PTPRT: variants seen among roughly 807,000 people sequenced by gnomAD.
The protein encoded by PTPRT is receptor-type tyrosine-protein phosphatase T.
PTPRT carries 56 observed loss-of-function variants against 176.8 expected under a neutral mutation model. The observed-to-expected ratio is 0.32, with a 90% CI of 0.26 to 0.40. PTPRT has a LOEUF of 0.40. PTPRT is among the 10% of genes least tolerant of loss of function. The pLI is 1.00. For missense variants in PTPRT, 1,540 were observed against 1,908.2 expected (o/e 0.81, Z 3.60); for synonymous variants, 783 against 739.0 (o/e 1.06, Z -0.96).
intron 6 of PTPRT, among the ~76,000 whole-genome samples, chr20:42,724,681 C>A (rs1485052521): frequency 6.6e-6 from 1 of 152,088 alleles, no homozygotes; most frequent in Non-Finnish European, 1.5e-5. Context: ...GCTTGTAATC[C>A]CAACACTTTG....
chr20:42,449,464 A>T (rs1483794330), intron 8 of PTPRT, among the ~76,000 whole-genome samples: 1 of 152,198 alleles, frequency 6.6e-6, no homozygotes, highest in Non-Finnish European at 1.5e-5. Flanking sequence ...AATTTCAGTA[A>T]ATTGTTGCCA....
chr20:42,958,338 GGGA>G (rs1568701224), intron 1 of PTPRT, among the ~76,000 whole-genome samples: 26 of 6,668 alleles, frequency 3.9e-3, no homozygotes, highest in South Asian at 0.012. Flanking sequence ...GAGGAGGGAG[GGGA>G]GAGGAGGGGC....
intron 7 of PTPRT, among the ~76,000 whole-genome samples, chr20:42,547,150 TTTGAATTTTGAGCCTCAGAAC>T (rs2072690561): frequency 6.6e-6 from 1 of 152,176 alleles, no homozygotes; most frequent in Admixed American, 6.5e-5. Flanking sequence ...TTTTGTGTGT[TTTGAATTTTGAGCCTCAGAAC>T]TCTAACACTT....
At chr20:42,225,673 C>CA (rs2055990744) in intron 15 of PTPRT, among the ~76,000 whole-genome samples, 1 of 152,012 alleles carries the variant, frequency 6.6e-6, no homozygotes, top group Non-Finnish European at 1.5e-5. Context: ...TTATTTTAGA[C>CA]AAAATCTCAC....
chr20:43,104,486 A>G (rs1345730448), intron 1 of PTPRT, among the ~76,000 whole-genome samples: 1 of 152,204 alleles, frequency 6.6e-6, no homozygotes, highest in Non-Finnish European at 1.5e-5. Flanking sequence ...ACCCCAGGCA[A>G]GCTATTTAAC....
chr20:43,189,614 G>A lies in PTPRT; in HGVS notation c.88+32C>T. The A allele has an allele frequency of 8.2e-7, 1 of 1,219,798 alleles. No individual in the cohort carries two copies. The highest frequency in any genetic ancestry group is 1.0e-6 in the Non-Finnish European group (1 of 975,412). The allele number at this position is 1,219,798 out of a possible 1,614,324, so 75.6% of individuals were successfully genotyped here. On this transcript the variant is annotated intron_variant, in intron 1 of 30. Coordinates refer to ENST00000373187, the MANE Select transcript of PTPRT (RefSeq NM_007050.6). This position sits in a 1 kb window ranked among gnomAD's most constrained non-coding sequence, Gnocchi z 5.0. ...CCCGCGCGCATCCAGGAGGGAGCGG[G>A]GAGCCCAGGGGAGCCGGGCGGGCGC...
intron 1 of PTPRT, among the ~76,000 whole-genome samples, chr20:42,987,927 C>T (rs897855223): frequency 1.3e-5 from 2 of 152,170 alleles, no homozygotes; most frequent in Admixed American, 6.5e-5. Flanking sequence ...GTCACGTGGG[C>T]CTCTTCACAG....
chr20:42,477,397 T>C (rs1429793275), intron 7 of PTPRT, among the ~76,000 whole-genome samples: 1 of 149,744 alleles, frequency 6.7e-6, no homozygotes, highest in Non-Finnish European at 1.5e-5. Context: ...ATATATATTT[T>C]TTTTGCATTC....
intron 9 of PTPRT, among the ~76,000 whole-genome samples, chr20:42,392,178 G>C (rs16986833): frequency 0.069 from 10,425 of 152,152 alleles, 446 homozygotes; most frequent in African/African-American, 0.12. Flanking sequence ...AGGAAAAAAT[G>C]TTACTTAAAC....
chr20:42,087,350 C>T (rs779146079), intron 27 of PTPRT, among the ~76,000 whole-genome samples: 1 of 152,072 alleles, frequency 6.6e-6, no homozygotes, highest in Non-Finnish European at 1.5e-5. Flanking sequence ...CCTGCCTCAG[C>T]CTCCCAAGTA....
At chr20:43,103,397 A>C (rs2012470829) in intron 1 of PTPRT, among the ~76,000 whole-genome samples, 1 of 152,160 alleles carries the variant, frequency 6.6e-6, no homozygotes. Flanking sequence ...GGCTGAGACA[A>C]ATCTCTTTCC....
chr20:42,389,852 C>CAAA (rs769093573), intron 9 of PTPRT, among the ~76,000 whole-genome samples: 2 of 127,188 alleles, frequency 1.6e-5, no homozygotes, highest in African/African-American at 5.7e-5. Context: ...AAAACCCTGT[C>CAAA]AAAAAAAAAA....
intron 9 of PTPRT, among the ~76,000 whole-genome samples, chr20:42,423,178 T>TAAAAA (rs34775268): frequency 5.9e-4 from 52 of 88,116 alleles, no homozygotes; most frequent in East Asian, 7.9e-4. Context: ...ACCTTAAAAG[T>TAAAAA]AAAAAAAAAA....
intron 9 of PTPRT, among the ~76,000 whole-genome samples, chr20:42,383,708 G>A (rs916328): frequency 0.34 from 52,339 of 152,056 alleles, 9,259 homozygotes; most frequent in East Asian, 0.62. Context: ...ACTATATCAT[G>A]TGTAGGGCCA....
rs184610523 is a variant in PTPRT at position 42,609,578 on chromosome 20, G to A, written c.1153+68288C>T. ...ACTCCAAATCCAACACTGACTCTTT[G>A]CTCCCAGGTCTGGCTGCTATAGCAG... On this transcript the variant is annotated intron_variant, in intron 7 of 30. Transcript: ENST00000373187. Among the ~76,000 whole-genome samples the A allele has an allele frequency of 4.1e-4, 62 of 152,300 alleles. No individual in the cohort carries two copies. The East Asian group carries it at 0.012, about 28-fold the overall frequency.
At position 42,467,105 on chromosome 20, in the gene PTPRT, A is replaced by G. The variant is rs188175579; in HGVS notation, c.1450+5161T>C. Among the ~76,000 whole-genome samples the G allele has an allele frequency of 5.3e-5, 8 of 152,334 alleles. No homozygotes were observed. The East Asian group carries it at 1.5e-3, about 29-fold the overall frequency. The stretch of plus-strand genomic sequence containing the variant: ...ATGAAGAGAGAAACAACTCTTCTCT[A>G]AAGAAGAAGGCTAACTAGTAAGCGT... On this transcript the variant is annotated intron_variant, in intron 8 of 30. Transcript: ENST00000373187.
chr20:42,631,872 G>A (rs6030385), intron 7 of PTPRT, among the ~76,000 whole-genome samples: 23,502 of 152,054 alleles, frequency 0.15, 1,910 homozygotes, highest in South Asian at 0.19. Flanking sequence ...GACCATCCTG[G>A]GAGATAACCT....
In PTPRT at chr20:42,161,275, C is replaced by T. The variant is rs544239881; in HGVS notation, c.2682+77G>A. The T allele has an allele frequency of 1.7e-5, 26 of 1,560,844 alleles. No individual in the cohort carries two copies. The Admixed American group carries it at 2.7e-4, about 16-fold the overall frequency. On this transcript the variant is annotated intron_variant, in intron 17 of 30. Transcript: ENST00000373187. ...TGAGGCTGCTGGCCAGGGAGCCATA[C>T]TTTTTGTAGCAAGGCTTTAGTGCCC...
At chr20:42,869,489 T>TTGGGACCTATTACC (rs1171502636) in intron 2 of PTPRT, among the ~76,000 whole-genome samples, 1 of 152,248 alleles carries the variant, frequency 6.6e-6, no homozygotes, top group Non-Finnish European at 1.5e-5. Flanking sequence ...TTATACTTAC[T>TTGGGACCTATTACC]TGGGACCTAT....
Sources: gnomAD v4.1 joint callset for allele counts (sites outside exome capture counted in the v4.1 genomes callset) on GRCh38, gnomAD v4.1.1 for gene constraint, Gnocchi (gnomAD v3.1) non-coding constraint, MANE v1.5 for transcripts, NCBI Gene and HGNC (gene_info 2026-07-23, HGNC 2026-07-21) for gene names.